Variants in GRID2 observed in about 807,000 individuals in gnomAD.
GRID2 encodes the protein glutamate ionotropic receptor delta type subunit 2, also known as glutamate receptor ionotropic, delta-2.
Under a neutral mutation model 114.8 loss-of-function variants are expected in GRID2, and 33 were observed. That is an observed-to-expected ratio of 0.29 (90% CI 0.22 to 0.38). The LOEUF is 0.38. Ranked by LOEUF, GRID2 falls within the 10% of genes least tolerant of loss-of-function variation. The pLI is 1.00. For missense variants in GRID2, 1,184 were observed against 1,257.7 expected (o/e 0.94, Z 0.89); for synonymous variants, 505 against 449.9 (o/e 1.12, Z -1.55).
At chr4:92,360,846 G>T (rs1042632716) in intron 1 of GRID2, among the ~76,000 whole-genome samples, 1 of 151,904 alleles carries the variant, frequency 6.6e-6, no homozygotes, top group Non-Finnish European at 1.5e-5. Flanking sequence ...GGAAACTTTT[G>T]TGGGGTTTTC....
intron 4 of GRID2, among the ~76,000 whole-genome samples, chr4:93,115,189 CTATT>C (rs898751575): frequency 2.0e-5 from 3 of 151,312 alleles, no homozygotes; most frequent in Admixed American, 1.3e-4. Flanking sequence ...AAACAAGAGT[CTATT>C]TATTTCTACC....
At chr4:93,711,837 T>C (rs954699953) in intron 14 of GRID2, among the ~76,000 whole-genome samples, 4 of 152,202 alleles carry the variant, frequency 2.6e-5, no homozygotes, top group African/African-American at 9.6e-5. Context: ...CTTTCCTCGA[T>C]ACAATGTTAA....
chr4:93,565,596 A>G (rs748387513), intron 13 of GRID2, among the ~76,000 whole-genome samples: 3 of 152,236 alleles, frequency 2.0e-5, no homozygotes, highest in Non-Finnish European at 2.9e-5. Context: ...GAACGAATCA[A>G]TCTCTAATAA....
intron 2 of GRID2, among the ~76,000 whole-genome samples, chr4:93,026,820 A>G (rs1723925065): frequency 1.3e-5 from 2 of 152,066 alleles, no homozygotes; most frequent in African/African-American, 4.8e-5. Context: ...AATATCATTC[A>G]TTTATAATTT....
At chr4:92,590,029 A>G in intron 1 of GRID2, 102 bp from the exon 2 acceptor site, 1 of 745,468 alleles carries the variant, frequency 1.3e-6, no homozygotes, top group South Asian at 1.8e-5. Flanking sequence ...CTCTAAGTGA[A>G]AGTATATGTT....
chr4:92,533,609 CCTTT>C lies in GRID2; in HGVS notation c.89-56517_89-56514del, dbSNP rs572697667. On this transcript the variant is annotated intron_variant, in intron 1 of 15. Coordinates refer to ENST00000282020, the MANE Select transcript of GRID2 (RefSeq NM_001510.4). Reference sequence around the variant, plus strand: ...AGAGAAACACAATAACTGTTCATCCCCTTTCTTTATTTTTTTGTTGTCAAGTCTG... The same window carrying C: ...AGAGAAACACAATAACTGTTCATCCCCTTTATTTTTTTGTTGTCAAGTCTG... 1.8e-4 allele frequency among the ~76,000 whole-genome samples: 27 copies of C among 152,154 alleles called. No homozygotes were observed. The South Asian group carries it at 3.3e-3, about 19-fold the overall frequency.
At chr4:93,606,424 A>G (rs896287823) in intron 13 of GRID2, among the ~76,000 whole-genome samples, 5 of 152,222 alleles carry the variant, frequency 3.3e-5, no homozygotes, top group Non-Finnish European at 5.9e-5. Flanking sequence ...AATGCTGTTC[A>G]TGAAGGTGAG....
At chr4:92,449,222 G>A (rs949940616) in intron 1 of GRID2, among the ~76,000 whole-genome samples, 54 of 152,064 alleles carry the variant, frequency 3.6e-4, no homozygotes, top group African/African-American at 1.3e-3. Context: ...TTTCAGAAGT[G>A]GGATTATTAA....
intron 1 of GRID2, among the ~76,000 whole-genome samples, chr4:92,439,773 A>G (rs761715228): frequency 8.7e-4 from 126 of 144,684 alleles, no homozygotes; most frequent in African/African-American, 2.9e-3. Context: ...GCCTAAGGAG[A>G]TTCAGCATAG....
chr4:93,720,478 A>G (rs1729257183), intron 14 of GRID2, among the ~76,000 whole-genome samples: 1 of 152,206 alleles, frequency 6.6e-6, no homozygotes, highest in African/African-American at 2.4e-5. Context: ...CGAAACAGTC[A>G]GGAAGTAAAT....
intron 2 of GRID2, among the ~76,000 whole-genome samples, chr4:92,951,872 C>A (rs912456261): frequency 6.6e-6 from 1 of 152,024 alleles, no homozygotes; most frequent in Admixed American, 6.6e-5. Context: ...TTTTATTAAT[C>A]TTTTATTCCT....
chr4:93,651,802 C>G (rs1722603271), intron 14 of GRID2, among the ~76,000 whole-genome samples: 1 of 152,014 alleles, frequency 6.6e-6, no homozygotes, highest in African/African-American at 2.4e-5. Context: ...ATTTGTTAAC[C>G]ACCTACTAAA....
chr4:92,941,081 A>T (rs1020556374), intron 2 of GRID2, among the ~76,000 whole-genome samples: 1 of 152,198 alleles, frequency 6.6e-6, no homozygotes, highest in Admixed American at 6.5e-5. Context: ...TGCTGGCCTC[A>T]TAAAATGAGT....
At chr4:93,150,808 C>G (rs900904690) in intron 4 of GRID2, among the ~76,000 whole-genome samples, 1 of 151,980 alleles carries the variant, frequency 6.6e-6, no homozygotes, top group Non-Finnish European at 1.5e-5. Flanking sequence ...TAGAAACTCT[C>G]AAACCCCTGA....
chr4:93,772,129 C>A lies in GRID2; in HGVS notation c.2655C>A (p.Cys885Ter). 1 of 1,612,170 alleles carries A rather than the reference C, an allele frequency of 6.2e-7. No homozygotes were observed. The highest frequency in any genetic ancestry group is 8.5e-7 in the Non-Finnish European group (1 of 1,178,380). ...EHLHRRVNSL[C>*]TDDDSPHKQF... The stretch of plus-strand genomic sequence containing the variant: ...TCCATAGACGTGTAAATAGCTTGTG[C>A]ACAGATGACGACAGCCCCCATAAAC... Residue 885 changes from cysteine to a stop codon, truncating the protein, a stop_gained, in exon 16 of 16, where the codon TGC (cysteine) becomes TGA (stop). Transcript: ENST00000282020. LOFTEE classifies it high-confidence loss of function.
chr4:93,550,196 C>T (rs994124161), intron 13 of GRID2, among the ~76,000 whole-genome samples: 52 of 152,256 alleles, frequency 3.4e-4, no homozygotes, highest in African/African-American at 1.3e-3. Flanking sequence ...ATCCTCCTGC[C>T]TCAGCCTCCC....
chr4:92,307,445 C>A (rs1236281323), intron 1 of GRID2, among the ~76,000 whole-genome samples: 1 of 152,064 alleles, frequency 6.6e-6, no homozygotes, highest in African/African-American at 2.4e-5. Flanking sequence ...AAAGACACTG[C>A]TCTAAGAGGC....
intron 14 of GRID2, among the ~76,000 whole-genome samples, chr4:93,760,067 A>G (rs1733077591): frequency 6.6e-6 from 1 of 152,210 alleles, no homozygotes; most frequent in Admixed American, 6.5e-5. Context: ...AAGGAGAATT[A>G]GTAATATCAG....
At chr4:92,928,428 A>G (rs1276870476) in intron 2 of GRID2, among the ~76,000 whole-genome samples, 1 of 151,678 alleles carries the variant, frequency 6.6e-6, no homozygotes, top group East Asian at 1.9e-4. Context: ...ATACACTAAT[A>G]GAGTTTCCCA....
Sources: gnomAD v4.1 joint callset for allele counts (sites outside exome capture counted in the v4.1 genomes callset) on GRCh38, gnomAD v4.1.1 for gene constraint, MANE v1.5 for transcripts, NCBI Gene and HGNC (gene_info 2026-07-23, HGNC 2026-07-21) for gene names.